The following OSBPL8 variants were observed in gnomAD, a reference collection of about 807,000 sequenced individuals.
OSBPL8 encodes oxysterol binding protein like 8, also known as oxysterol-binding protein-related protein 8.
In OSBPL8, 59 loss-of-function variants were observed where a neutral mutation model predicts 125.5. That is an observed-to-expected ratio of 0.47 (90% confidence interval 0.38 to 0.58). The LOEUF is 0.58. Ranked by LOEUF, OSBPL8 falls within the 20% of genes least tolerant of loss-of-function variation. OSBPL8 has a pLI of 0.00. For synonymous variants in OSBPL8, 330 were observed against 338.9 expected (o/e 0.97, Z 0.29); for missense variants, 758 against 1,047.8 (o/e 0.72, Z 3.82).
At chr12:76,506,156 A>G (rs1264781500) in intron 1 of OSBPL8, among the ~76,000 whole-genome samples, 1 of 152,256 alleles carries the variant, frequency 6.6e-6, no homozygotes, top group Non-Finnish European at 1.5e-5. Flanking sequence ...CAGGAACTTA[A>G]GCAGAGTTTG....
intron 1 of OSBPL8, among the ~76,000 whole-genome samples, chr12:76,496,416 G>A (rs1008300437): frequency 2.0e-5 from 3 of 151,068 alleles, no homozygotes; most frequent in Admixed American, 6.6e-5. Context: ...TGTTGCCCAG[G>A]CTAGAGTGCA....
At chr12:76,383,477 C>T (rs1403873) in intron 15 of OSBPL8, among the ~76,000 whole-genome samples, 1 of 151,740 alleles carries the variant, frequency 6.6e-6, no homozygotes, top group African/African-American at 2.4e-5. Flanking sequence ...ATACACACCA[C>T]GTTCCTGATC....
chr12:76,486,364 C>T (rs150654673), intron 2 of OSBPL8, among the ~76,000 whole-genome samples: 1 of 152,318 alleles, frequency 6.6e-6, no homozygotes, highest in East Asian at 1.9e-4. Context: ...AAGTTGGGCT[C>T]TACCTTATTC....
chr12:76,521,141 C>A (rs1882028705), intron 1 of OSBPL8, among the ~76,000 whole-genome samples: 1 of 152,180 alleles, frequency 6.6e-6, no homozygotes, highest in Non-Finnish European at 1.5e-5. Context: ...ACTCACCACT[C>A]AGCATAGTGT....
At chr12:76,500,123 C>A (rs1342633847) in intron 1 of OSBPL8, among the ~76,000 whole-genome samples, 2 of 152,200 alleles carry the variant, frequency 1.3e-5, no homozygotes, top group African/African-American at 4.8e-5. Flanking sequence ...TCAAAAACTT[C>A]AGCTGTGCTT....
chr12:76,459,907 G>A lies in OSBPL8; in HGVS notation c.43-12C>T, dbSNP rs1401363934. 2 of 1,613,460 alleles carry A rather than the reference G, an allele frequency of 1.2e-6. No homozygotes were observed. Among genetic ancestry groups the A allele is most frequent in the South Asian group, 1.1e-5 (1 of 91,064 alleles). ...CTATCACCAAGAAGCTTTTAAGGCA[G>A]GGTAATTGAGCAGCAAACAAATACA... On this transcript the variant is annotated splice_polypyrimidine_tract_variant and intron_variant, in intron 2 of 23. Coordinates refer to ENST00000261183, the MANE Select transcript of OSBPL8 (RefSeq NM_020841.5).
chr12:76,417,994 A>G (rs938499307), intron 4 of OSBPL8, among the ~76,000 whole-genome samples: 7 of 142,734 alleles, frequency 4.9e-5, no homozygotes, highest in African/African-American at 1.8e-4. Flanking sequence ...CCAGAAAATT[A>G]TATGATTTTC....
intron 5 of OSBPL8, among the ~76,000 whole-genome samples, chr12:76,408,143 T>TAAAAA (rs376221340): frequency 2.2e-5 from 2 of 92,030 alleles, no homozygotes; most frequent in Non-Finnish European, 4.3e-5. Context: ...CCTCATCTCT[T>TAAAAA]AAAAAAAAAA....
rs1951956885 is a variant in OSBPL8, at chr12:76,355,659, G to C, written c.*230C>G. On this transcript the variant is annotated 3_prime_UTR_variant, in exon 24 of 24. Coordinates refer to ENST00000261183, the MANE Select transcript of OSBPL8 (RefSeq NM_020841.5). ...CATATGTAGACACATTCTCACAAAA[G>C]CTAGAAATGTCCTGGCACTTAACAC... 2.2e-6 allele frequency: 1 copy of C among 446,580 alleles called. No homozygotes were observed. The highest frequency in any genetic ancestry group is 4.0e-6 in the Non-Finnish European group (1 of 252,860). 27.7% of individuals were successfully genotyped at this position (446,580 alleles called of 1,614,324 possible).
intron 3 of OSBPL8, among the ~76,000 whole-genome samples, chr12:76,452,301 A>C (rs1873517408): frequency 6.6e-6 from 1 of 152,220 alleles, no homozygotes; most frequent in Non-Finnish European, 1.5e-5. Context: ...ATACAAAAAC[A>C]CTTGCACTTT....
intron 4 of OSBPL8, among the ~76,000 whole-genome samples, chr12:76,445,190 T>C (rs781370494): frequency 6.6e-6 from 1 of 152,128 alleles, no homozygotes; most frequent in Non-Finnish European, 1.5e-5. Flanking sequence ...TACTCAGTAA[T>C]GCAGGCATAA....
At chr12:76,559,148 C>A (rs866199954) in intron 1 of OSBPL8, among the ~76,000 whole-genome samples, 1 of 152,190 alleles carries the variant, frequency 6.6e-6, no homozygotes, top group Non-Finnish European at 1.5e-5. Flanking sequence ...AACAGCCTCC[C>A]ACCCCCGTTC....
At chr12:76,442,827 A>G (rs1394304517) in intron 4 of OSBPL8, among the ~76,000 whole-genome samples, 1 of 152,184 alleles carries the variant, frequency 6.6e-6, no homozygotes. Context: ...AAATGAAGGT[A>G]CTCCATGTTA....
intron 1 of OSBPL8, among the ~76,000 whole-genome samples, chr12:76,551,401 G>C (rs1950934221): frequency 6.6e-6 from 1 of 152,190 alleles, no homozygotes. Flanking sequence ...CTAGCATCTA[G>C]TGAGTAGAGG....
chr12:76,546,704 G>A (rs1950792520), intron 1 of OSBPL8, among the ~76,000 whole-genome samples: 1 of 152,128 alleles, frequency 6.6e-6, no homozygotes, highest in Admixed American at 6.5e-5. Context: ...GAGGGAAAAT[G>A]TTTAGAATAC....
chr12:76,531,953 C>A (rs544360506), intron 1 of OSBPL8, among the ~76,000 whole-genome samples: 1 of 146,146 alleles, frequency 6.8e-6, no homozygotes, highest in African/African-American at 2.5e-5. Context: ...AGGAGAATGG[C>A]GTGAACCCAG....
At chr12:76,469,397 C>G (rs1446445823) in intron 2 of OSBPL8, among the ~76,000 whole-genome samples, 1 of 152,176 alleles carries the variant, frequency 6.6e-6, no homozygotes, top group African/African-American at 2.4e-5. Context: ...GTCACTGCAT[C>G]TTTCTATTAT....
At chr12:76,357,087 T>C (rs2136120676) in intron 22 of OSBPL8, among the ~76,000 whole-genome samples, 2 of 152,316 alleles carry the variant, frequency 1.3e-5, no homozygotes, top group South Asian at 4.1e-4. Flanking sequence ...TTTTTTCCAA[T>C]TTTTTATTGT....
intron 1 of OSBPL8, among the ~76,000 whole-genome samples, chr12:76,535,888 T>C (rs1950481105): frequency 6.6e-6 from 1 of 152,146 alleles, no homozygotes; most frequent in Admixed American, 6.6e-5. Context: ...AGGGAAAGAT[T>C]AAGTTCAAAG....
Sources: gnomAD v4.1 joint callset for allele counts (sites outside exome capture counted in the v4.1 genomes callset) on GRCh38, gnomAD v4.1.1 for gene constraint, MANE v1.5 for transcripts, NCBI Gene and HGNC (gene_info 2026-07-23, HGNC 2026-07-21) for gene names.